RASGRP1: variants seen among roughly 807,000 people sequenced by gnomAD.
RASGRP1 encodes the protein RAS guanyl releasing protein 1, also known as RAS guanyl-releasing protein 1.
RASGRP1 carries 37 observed loss-of-function variants against 95.1 expected under a neutral mutation model. That is an observed-to-expected ratio of 0.39 (90% CI 0.30 to 0.51). RASGRP1 has a LOEUF of 0.51. Among genes scored for constraint, RASGRP1 ranks in the 20% least tolerant of loss-of-function variants. The pLI is 0.80. For synonymous variants in RASGRP1, 325 were observed against 353.4 expected (o/e 0.92, Z 0.90); for missense variants, 711 against 965.4 (o/e 0.74, Z 3.49).
At chr15:38,524,970 C>CTT (rs5812043) in intron 3 of RASGRP1, among the ~76,000 whole-genome samples, 9 of 140,952 alleles carry the variant, frequency 6.4e-5, no homozygotes, top group South Asian at 2.3e-4. Flanking sequence ...AATTTTCTTT[C>CTT]TTTTTTTTTT....
At chr15:38,541,820 TA>T (rs1452860541) in intron 2 of RASGRP1, among the ~76,000 whole-genome samples, 5 of 152,180 alleles carry the variant, frequency 3.3e-5, no homozygotes, top group South Asian at 4.2e-4. Flanking sequence ...CTACAGGCAA[TA>T]CTACAGTACA....
intron 2 of RASGRP1, among the ~76,000 whole-genome samples, chr15:38,553,896 A>G (rs1893435950): frequency 6.6e-6 from 1 of 152,144 alleles, no homozygotes; most frequent in Admixed American, 6.5e-5. Flanking sequence ...TGAAAAACCT[A>G]TATGCTCTAT....
intron 3 of RASGRP1, among the ~76,000 whole-genome samples, chr15:38,524,881 G>A (rs1892150055): frequency 6.6e-6 from 1 of 152,026 alleles, no homozygotes; most frequent in Non-Finnish European, 1.5e-5. Flanking sequence ...AAGTACGAGG[G>A]ACCATGGGAA....
At position 38,490,578 on chromosome 15, in the gene RASGRP1, T is replaced by G; in HGVS notation, c.2370A>C (p.Gln790His). Reference protein sequence around the residue: ...QLEKSNHVLAQMEQGDCS With the variant: ...QLEKSNHVLAHMEQGDCS ...GCTAAGAACAGTCACCCTGCTCCAT[T>G]TGAGCTAAGACATGATTGCTTTTTT... Residue 790 changes from glutamine (Q) to histidine (H), a missense_variant, in exon 17 of 17, where the codon CAA (glutamine) becomes CAC (histidine). By Grantham distance (24) the Gln-to-His change is conservative. Transcript: ENST00000310803. 1 of 1,613,350 alleles carries G rather than the reference T, an allele frequency of 6.2e-7. No individual in the cohort carries two copies. The highest frequency in any genetic ancestry group is 2.2e-5 in the East Asian group (1 of 44,862).
In RASGRP1 at chr15:38,557,028, G is replaced by T. The variant is rs1893585180; in HGVS notation, c.220+2793C>A. Among the ~76,000 whole-genome samples the T allele has an allele frequency of 2.0e-5, 3 of 152,114 alleles. No homozygotes were observed. The South Asian group carries it at 6.2e-4, about 32-fold the overall frequency. ...AGACATCTAAACTCATTAACAAAAA[G>T]CTAGCTAGACTGCTTTAATCTAAAG... On this transcript the variant is annotated intron_variant, in intron 2 of 16. Coordinates refer to ENST00000310803, the MANE Select transcript of RASGRP1 (RefSeq NM_005739.4).
At chr15:38,539,075 A>G (rs923585740) in intron 2 of RASGRP1, among the ~76,000 whole-genome samples, 5 of 152,184 alleles carry the variant, frequency 3.3e-5, no homozygotes, top group African/African-American at 1.2e-4. Context: ...GTGAGGAAAC[A>G]GAGAGTAAGG....
intron 3 of RASGRP1, among the ~76,000 whole-genome samples, chr15:38,523,488 A>G (rs1259953211): frequency 6.6e-6 from 1 of 152,238 alleles, no homozygotes; most frequent in Non-Finnish European, 1.5e-5. Flanking sequence ...TTAAGTTTAT[A>G]ACATAAAGTC....
intron 2 of RASGRP1, among the ~76,000 whole-genome samples, chr15:38,538,578 C>T (rs892105222): frequency 6.6e-6 from 1 of 152,164 alleles, no homozygotes; most frequent in Non-Finnish European, 1.5e-5. Flanking sequence ...CCCTGTGAGA[C>T]AGGTGCCATC....
intron 2 of RASGRP1, among the ~76,000 whole-genome samples, chr15:38,541,833 G>A (rs1457985051): frequency 2.0e-5 from 3 of 152,102 alleles, no homozygotes; most frequent in African/African-American, 4.8e-5. Context: ...TACAGTACAT[G>A]GTACAGTCAG....
At chr15:38,563,684 T>C (rs1893905158) in intron 1 of RASGRP1, among the ~76,000 whole-genome samples, 1 of 152,154 alleles carries the variant, frequency 6.6e-6, no homozygotes, top group South Asian at 2.1e-4. Context: ...TAGTGCAAAG[T>C]ACAGTGGTGG....
At chr15:38,556,924 CAA>C (rs1410835791) in intron 2 of RASGRP1, among the ~76,000 whole-genome samples, 2 of 152,114 alleles carry the variant, frequency 1.3e-5, no homozygotes, top group Admixed American at 6.6e-5. Context: ...CGGTCTGAGG[CAA>C]AAGAGTCCCA....
rs539702895 is a variant in RASGRP1, at chr15:38,530,067, A to G, written c.221-3663T>C. On this transcript the variant is annotated intron_variant, in intron 2 of 16. Transcript: ENST00000310803. ...TTATTTCTTGCCACAAAAATTCTGC[A>G]TAACCAACCACCCCAAAACTCAGTG... Among the ~76,000 whole-genome samples the G allele has an allele frequency of 2.0e-5, 3 of 152,326 alleles. No homozygotes were observed. The South Asian group carries it at 6.2e-4, about 32-fold the overall frequency.
chr15:38,539,911 C>T (rs1442133510), intron 2 of RASGRP1, among the ~76,000 whole-genome samples: 1 of 151,930 alleles, frequency 6.6e-6, no homozygotes, highest in Non-Finnish European at 1.5e-5. Flanking sequence ...TCATCTTTGC[C>T]GTTTGTTTTT....
At chr15:38,500,563 C>T (rs896734142) in intron 13 of RASGRP1, among the ~76,000 whole-genome samples, 1 of 151,960 alleles carries the variant, frequency 6.6e-6, no homozygotes, top group African/African-American at 2.4e-5. Flanking sequence ...GTGGGCTGGT[C>T]TCGAACTCGG....
chr15:38,542,886 C>CATATATGTGTATATATACACAT (rs1566933486), intron 2 of RASGRP1, among the ~76,000 whole-genome samples: 2 of 128,892 alleles, frequency 1.6e-5, no homozygotes, highest in African/African-American at 5.9e-5. Flanking sequence ...TATATATACA[C>CATATATGTGTATATATACACAT]ATATATGTGT....
intron 8 of RASGRP1, among the ~76,000 whole-genome samples, chr15:38,510,520 AAG>A (rs1891463769): frequency 6.6e-6 from 1 of 152,234 alleles, no homozygotes; most frequent in African/African-American, 2.4e-5. Context: ...TCTCCCTAAA[AAG>A]AGAGTTCCTC....
Position 38,499,068 on chromosome 15 carries a change from A to G in RASGRP1, c.1721-122T>C, listed in dbSNP as rs115505449. The G allele has an allele frequency of 5.6e-4, 746 of 1,327,538 alleles. 4 individuals carry two copies. In the African/African-American group the frequency reaches 9.8e-3, roughly 17 times the overall value. The allele number at this position is 1,327,538 out of a possible 1,614,324, so 82.2% of individuals were successfully genotyped here. Reference sequence around the variant, plus strand: ...ATGTCTGTTCTATCTTCTGGAGCTAAGACACTTAACATTCCTAATGAAGCT... The same window carrying G: ...ATGTCTGTTCTATCTTCTGGAGCTAGGACACTTAACATTCCTAATGAAGCT... On this transcript the variant is annotated intron_variant, in intron 14 of 16. Coordinates refer to ENST00000310803, the MANE Select transcript of RASGRP1 (RefSeq NM_005739.4).
intron 2 of RASGRP1, among the ~76,000 whole-genome samples, chr15:38,532,378 T>C (rs779886733): frequency 1.3e-5 from 2 of 152,284 alleles, no homozygotes; most frequent in African/African-American, 2.4e-5. Flanking sequence ...AGGGGAGTAA[T>C]GTAAGCTGCT....
intron 2 of RASGRP1, 83 bp downstream of exon 2, chr15:38,559,738 G>C: frequency 2.9e-6 from 4 of 1,377,376 alleles, no homozygotes; most frequent in Non-Finnish European, 4.0e-6. Flanking sequence ...ATACAATCTA[G>C]ATTGCTGTTC....
Sources: allele counts gnomAD v4.1 joint callset (sites outside exome capture counted in the v4.1 genomes callset), GRCh38; gene constraint gnomAD v4.1.1; transcripts MANE v1.5; gene names NCBI Gene and HGNC (gene_info 2026-07-23, HGNC 2026-07-21).